The following FOXJ3 variants were observed in gnomAD, a reference collection of about 807,000 sequenced individuals.
FOXJ3 encodes the protein forkhead box J3.
FOXJ3 carries 22 observed loss-of-function variants against 76.1 expected under a neutral mutation model. The ratio of observed to expected loss-of-function variants is 0.29; its 90% CI spans 0.21 to 0.41. The LOEUF is 0.41. Ranked by LOEUF, FOXJ3 falls within the 10% of genes least tolerant of loss-of-function variation. The pLI is 1.00. For synonymous variants in FOXJ3, 269 were observed against 261.2 expected (o/e 1.03, Z -0.29); for missense variants, 613 against 762.1 (o/e 0.80, Z 2.30).
chr1:42,218,919 C>A (rs1026022837), intron 5 of FOXJ3, among the ~76,000 whole-genome samples: 1 of 152,204 alleles, frequency 6.6e-6, no homozygotes, highest in South Asian at 2.1e-4. Context: ...AGAGCCCTTG[C>A]ACTTGCAGGA....
intron 1 of FOXJ3, among the ~76,000 whole-genome samples, chr1:42,328,481 T>A (rs956043530): frequency 4.6e-5 from 7 of 152,116 alleles, no homozygotes; most frequent in Admixed American, 4.6e-4. Context: ...TGGGAAACAA[T>A]GGTCAGACAG....
intron 5 of FOXJ3, among the ~76,000 whole-genome samples, chr1:42,219,649 T>C (rs1376484294): frequency 6.6e-6 from 1 of 152,270 alleles, no homozygotes; most frequent in East Asian, 1.9e-4. Flanking sequence ...CACAAAGCAA[T>C]CTAAAGTTTT....
At position 42,302,267 on chromosome 1, in the gene FOXJ3, C is replaced by T. The variant is rs573716990; in HGVS notation, c.44+8783G>A. ...GTGTCATGCAATTAAACTTCCAGGT[C>T]AGTTGGTGGCACTCACAGGTTAAGA... is the stretch of plus-strand genomic sequence containing the variant. On this transcript the variant is annotated intron_variant, in intron 2 of 12. Coordinates refer to ENST00000361346, the MANE Select transcript of FOXJ3 (RefSeq NM_014947.5). 7.2e-5 allele frequency among the ~76,000 whole-genome samples: 11 copies of T among 152,340 alleles called. 1 individual carries two copies. The South Asian group carries it at 1.9e-3, about 26-fold the overall frequency.
At chr1:42,323,769 T>C (rs531111493) in intron 1 of FOXJ3, 35 of 774,240 alleles carry the variant, frequency 4.5e-5, no homozygotes, top group African/African-American at 4.5e-4. Context: ...CTTCAAATAA[T>C]TGAAGGATTA....
chr1:42,256,560 A>G (rs1403133235), intron 4 of FOXJ3, among the ~76,000 whole-genome samples: 1 of 152,240 alleles, frequency 6.6e-6, no homozygotes, highest in African/African-American at 2.4e-5. Context: ...TAGAATGGCT[A>G]CAGTTAAAAA....
chr1:42,308,468 C>A (rs575700324), intron 2 of FOXJ3, among the ~76,000 whole-genome samples: 1 of 152,216 alleles, frequency 6.6e-6, no homozygotes, highest in Admixed American at 6.5e-5. Flanking sequence ...CGGTGACAGA[C>A]AATGGTCTTC....
chr1:42,263,678 G>C (rs1470343877), intron 4 of FOXJ3, among the ~76,000 whole-genome samples: 1 of 152,040 alleles, frequency 6.6e-6, no homozygotes, highest in Non-Finnish European at 1.5e-5. Context: ...CATTACTTCA[G>C]AAAAACTGCC....
chr1:42,313,377 G>A (rs1291801491), intron 1 of FOXJ3, among the ~76,000 whole-genome samples: 1 of 151,306 alleles, frequency 6.6e-6, no homozygotes, highest in Admixed American at 6.6e-5. Context: ...ATTGTGTTTA[G>A]GGTAGCCCTA....
At chr1:42,202,199 T>C (rs1054334289) in intron 6 of FOXJ3, among the ~76,000 whole-genome samples, 2 of 152,206 alleles carry the variant, frequency 1.3e-5, no homozygotes, top group African/African-American at 2.4e-5. Context: ...TCCCATCTAG[T>C]GTACTTTTCA....
At chr1:42,298,204 C>T (rs1278349258) in intron 2 of FOXJ3, among the ~76,000 whole-genome samples, 3 of 152,340 alleles carry the variant, frequency 2.0e-5, no homozygotes, top group South Asian at 4.1e-4. Flanking sequence ...TTATAAGCTT[C>T]CTGAGGCTTC....
At chr1:42,232,390 T>A in intron 4 of FOXJ3, among the ~76,000 whole-genome samples, 1 of 149,428 alleles carries the variant, frequency 6.7e-6, no homozygotes, top group Non-Finnish European at 1.5e-5. Flanking sequence ...TCCACAATGG[T>A]TGAACTAGTT....
chr1:42,274,469 G>A (rs928913576), intron 3 of FOXJ3, among the ~76,000 whole-genome samples: 1 of 152,064 alleles, frequency 6.6e-6, no homozygotes, highest in Non-Finnish European at 1.5e-5. Context: ...TTAAGAACAT[G>A]AGCATTGAAA....
intron 1 of FOXJ3, among the ~76,000 whole-genome samples, chr1:42,327,936 C>T (rs1214632356): frequency 6.6e-6 from 1 of 152,178 alleles, no homozygotes; most frequent in African/African-American, 2.4e-5. Context: ...ATGGAATCCA[C>T]AGACTCTACA....
chr1:42,242,145 A>C (rs1649194032), intron 4 of FOXJ3, among the ~76,000 whole-genome samples: 1 of 152,208 alleles, frequency 6.6e-6, no homozygotes, highest in Admixed American at 6.5e-5. Context: ...TTCAATCTAA[A>C]AATGGAAGAA....
chr1:42,198,089 C>T (rs1350970916), intron 7 of FOXJ3, among the ~76,000 whole-genome samples: 1 of 152,102 alleles, frequency 6.6e-6, no homozygotes, highest in East Asian at 1.9e-4. Context: ...TCTTCTAGAA[C>T]TCAGTAACCC....
At chr1:42,308,462 G>A (rs1350398683) in intron 2 of FOXJ3, among the ~76,000 whole-genome samples, 3 of 152,114 alleles carry the variant, frequency 2.0e-5, no homozygotes, top group South Asian at 4.1e-4. Context: ...AAAAATCGGT[G>A]ACAGACAATG....
chr1:42,261,216 G>A (rs932747345), intron 4 of FOXJ3, among the ~76,000 whole-genome samples: 19 of 148,508 alleles, frequency 1.3e-4, no homozygotes, highest in Non-Finnish European at 2.7e-4. Context: ...AAAAAAAAAA[G>A]ACAAATATAG....
chr1:42,326,343 T>C (rs1381299426), intron 1 of FOXJ3, among the ~76,000 whole-genome samples: 4 of 152,174 alleles, frequency 2.6e-5, no homozygotes, highest in African/African-American at 9.7e-5. Flanking sequence ...AAAAATGATA[T>C]ATGGTCACTG....
chr1:42,322,333 T>G (rs933359961), intron 1 of FOXJ3, among the ~76,000 whole-genome samples: 2 of 152,128 alleles, frequency 1.3e-5, no homozygotes, highest in Non-Finnish European at 2.9e-5. Context: ...CCTAAAAATA[T>G]TGTCTATTTT....
Sources: gnomAD v4.1 joint callset for allele counts (sites outside exome capture counted in the v4.1 genomes callset) on GRCh38, gnomAD v4.1.1 for gene constraint, MANE v1.5 for transcripts, NCBI Gene and HGNC (gene_info 2026-07-23, HGNC 2026-07-21) for gene names.